The following ABCC9 variants were observed in gnomAD, a reference collection of about 807,000 sequenced individuals.
ABCC9 encodes ATP-binding cassette sub-family C member 9.
ABCC9 carries 95 observed loss-of-function variants against 188.3 expected under a neutral mutation model. The ratio of observed to expected loss-of-function variants is 0.50; its 90% CI spans 0.43 to 0.60. The LOEUF is 0.60. Among genes scored for constraint, ABCC9 ranks in the 20% least tolerant of loss-of-function variants. The probability of loss-of-function intolerance (pLI) is 0.00; values close to 1 mark genes in which losing one functional copy is unlikely to be tolerated. For missense variants in ABCC9, 1,102 were observed against 1,876.3 expected, an observed-to-expected ratio of 0.59 and a Z score of 7.62; for synonymous variants, 659 against 652.7, an observed-to-expected ratio of 1.01 and a Z score of -0.15.
At chr12:21,932,284 T>TA (rs1949320047) in intron 4 of ABCC9, among the ~76,000 whole-genome samples, 1 of 151,918 alleles carries the variant, frequency 6.6e-6, no homozygotes, top group Non-Finnish European at 1.5e-5. Flanking sequence ...AAAATTCCTT[T>TA]AAAAATATGG....
At chr12:21,849,810 A>G (rs1180407147) in intron 24 of ABCC9, among the ~76,000 whole-genome samples, 1 of 152,202 alleles carries the variant, frequency 6.6e-6, no homozygotes, top group Non-Finnish European at 1.5e-5. Flanking sequence ...GGAGTGTTAA[A>G]TAATACCAGT....
chr12:21,844,975 A>C, intron 26 of ABCC9, 60 bp from the exon 27 acceptor site: 1 of 1,578,220 alleles, frequency 6.3e-7, no homozygotes, highest in Middle Eastern at 1.7e-4. Context: ...CTTTCTTACT[A>C]GAAAACCAAA....
intron 7 of ABCC9, 40 bp downstream of exon 7, chr12:21,915,628 T>C (rs777375678): frequency 5.0e-6 from 8 of 1,605,886 alleles, no homozygotes; most frequent in Non-Finnish European, 5.9e-6. Context: ...ACAGGACCAT[T>C]CTCTGTAATT....
intron 18 of ABCC9, among the ~76,000 whole-genome samples, chr12:21,867,098 A>G (rs1361063879): frequency 6.6e-6 from 1 of 152,116 alleles, no homozygotes; most frequent in Non-Finnish European, 1.5e-5. Flanking sequence ...AGAAAGAAAA[A>G]AAGAGGTAAA....
At chr12:21,854,297 A>G (rs558302997) in intron 22 of ABCC9, among the ~76,000 whole-genome samples, 18 of 152,366 alleles carry the variant, frequency 1.2e-4, no homozygotes, top group African/African-American at 4.3e-4. Context: ...ATTTGTCTGC[A>G]TAGATAGAAA....
Position 21,799,273 on chromosome 12 carries a change from A to T in ABCC9, c.*1771T>A, listed in dbSNP as rs552060160. ...AAAAAAAAAATTAAAAAAAAAAAAG[A>T]AAAAAAAAAGATTACTTCCATGGGT... On this transcript the variant is annotated 3_prime_UTR_variant, in exon 40 of 40. Transcript: ENST00000261200. 3.4e-5 allele frequency: 5 copies of T among 148,230 alleles called. No individual in the cohort carries two copies. The allele number at this position is 148,230 out of a possible 1,614,324, so 9.2% of individuals were successfully genotyped here. A position where few individuals can be genotyped will look rare whatever the true frequency, so the allele number is the denominator to read the frequency against.
intron 16 of ABCC9, among the ~76,000 whole-genome samples, chr12:21,879,064 C>T (rs1283385947): frequency 6.6e-6 from 1 of 152,208 alleles, no homozygotes; most frequent in Non-Finnish European, 1.5e-5. Context: ...GCTCAGTGTA[C>T]ATCACTAGGG....
rs1472706855 is a variant in ABCC9, at chr12:21,864,463, T to G, written c.2213A>C (p.Glu738Ala). 6.3e-7 allele frequency: 1 copy of G among 1,593,700 alleles called. No individual in the cohort carries two copies. Among genetic ancestry groups the G allele is most frequent in the Non-Finnish European group, 8.6e-7 (1 of 1,161,590 alleles). ...KVHWSNVNES[E>A]PSFEATRSRN... ...CCTTCTGGTTGCTTCAAAAGAAGGCTCAGATTCATTTACACTGCAAGTATG... is the reference window on the plus strand; with the variant it reads ...CCTTCTGGTTGCTTCAAAAGAAGGCGCAGATTCATTTACACTGCAAGTATG... The change falls in exon 19 of 40, where the codon GAG becomes GCG. Residue 738 changes from glutamate (E) to alanine (A), a missense_variant. Glu to Ala is a moderately radical substitution (Grantham distance 107, BLOSUM62 -1). Transcript: ENST00000261200.
intron 28 of ABCC9, 127 bp downstream of exon 28, chr12:21,844,356 C>A (rs1944526076): frequency 5.1e-6 from 4 of 785,198 alleles, no homozygotes; most frequent in Admixed American, 2.1e-5. Context: ...GATACAAATA[C>A]AAATGGGCCT....
chr12:21,929,916 G>T (rs1346972148), intron 4 of ABCC9, among the ~76,000 whole-genome samples: 3 of 152,014 alleles, frequency 2.0e-5, no homozygotes, highest in African/African-American at 7.2e-5. Context: ...CATGTGCCAT[G>T]TTGGTGTGCT....
At chr12:21,802,558 AT>A (rs1941525807) in intron 39 of ABCC9, among the ~76,000 whole-genome samples, 1 of 152,238 alleles carries the variant, frequency 6.6e-6, no homozygotes, top group African/African-American at 2.4e-5. Flanking sequence ...ACATGCTTCT[AT>A]TAGTATTAAG....
intron 10 of ABCC9, among the ~76,000 whole-genome samples, chr12:21,908,450 G>A (rs1382985962): frequency 1.3e-5 from 2 of 151,938 alleles, no homozygotes. Flanking sequence ...TGTATTTTTA[G>A]TATGATAATC....
intron 12 of ABCC9, among the ~76,000 whole-genome samples, chr12:21,904,650 T>A (rs567626584): frequency 6.6e-6 from 1 of 152,246 alleles, no homozygotes; most frequent in South Asian, 2.1e-4. Context: ...AAAGAAGACA[T>A]TTATGCAGCC....
At chr12:21,908,047 G>A (rs1485264938) in intron 11 of ABCC9, 30 bp downstream of exon 11, 2 of 1,607,304 alleles carry the variant, frequency 1.2e-6, no homozygotes, top group Admixed American at 1.7e-5. Context: ...TCTCATTTTT[G>A]TAATTAAGTT....
At chr12:21,882,938 A>G (rs1946692927) in intron 15 of ABCC9, 65 bp from the exon 16 acceptor site, 2 of 1,241,194 alleles carry the variant, frequency 1.6e-6, no homozygotes, top group East Asian at 2.3e-5. Flanking sequence ...TTTACTGAAC[A>G]CTTACTCACA....
chr12:21,889,033 T>C (rs996491204), intron 14 of ABCC9, among the ~76,000 whole-genome samples: 15 of 152,180 alleles, frequency 9.9e-5, no homozygotes, highest in Admixed American at 6.5e-4. Context: ...TTTGAACTTA[T>C]AGTCAAGTTC....
At chr12:21,821,680 T>G (rs1370858217) in intron 31 of ABCC9, among the ~76,000 whole-genome samples, 2 of 152,184 alleles carry the variant, frequency 1.3e-5, no homozygotes, top group African/African-American at 2.4e-5. Flanking sequence ...GTATTCTATA[T>G]TGGGCTCCTG....
intron 31 of ABCC9, among the ~76,000 whole-genome samples, chr12:21,822,914 T>C (rs1943143405): frequency 6.6e-6 from 1 of 151,340 alleles, no homozygotes; most frequent in South Asian, 2.1e-4. Flanking sequence ...CCTTTGCAAA[T>C]ACGTGAGAAG....
At chr12:21,931,487 G>A (rs1284211942) in intron 4 of ABCC9, among the ~76,000 whole-genome samples, 1 of 151,834 alleles carries the variant, frequency 6.6e-6, no homozygotes, top group Non-Finnish European at 1.5e-5. Context: ...GAGTAGAAGA[G>A]CATAACACAG....
Sources: gnomAD v4.1 joint callset for allele counts (sites outside exome capture counted in the v4.1 genomes callset) on GRCh38, gnomAD v4.1.1 for gene constraint, MANE v1.5 for transcripts, NCBI Gene and HGNC (gene_info 2026-07-23, HGNC 2026-07-21) for gene names.